DMD: variants seen among roughly 807,000 people sequenced by gnomAD.
DMD encodes the protein mutant dystrophin.
DMD carries 63 observed loss-of-function variants against 330.1 expected under a neutral mutation model. The ratio of observed to expected loss-of-function variants is 0.19; its 90% confidence interval spans 0.16 to 0.24. The LOEUF is 0.24. Among genes scored for constraint, DMD ranks in the 10% least tolerant of loss-of-function variants. The probability of loss-of-function intolerance (pLI) is 1.00; values close to 1 mark genes in which losing one functional copy is unlikely to be tolerated. For synonymous variants in DMD, 1,223 were observed against 959.8 expected, an observed-to-expected ratio of 1.27 and a Z score of -5.07; for missense variants, 3,344 against 2,684.1, an observed-to-expected ratio of 1.25 and a Z score of -5.43.
chrX:32,848,253 C>G (rs746535723), intron 3 of DMD, among the ~76,000 whole-genome samples: 1 of 111,622 alleles, frequency 9.0e-6, no homozygotes, highest in Non-Finnish European at 1.9e-5. Flanking sequence ...CTTCTGTATT[C>G]GGTAACAAAG....
intron 19 of DMD, among the ~76,000 whole-genome samples, chrX:32,500,932 C>A (rs989148717): frequency 8.9e-6 from 1 of 111,839 alleles, no homozygotes; most frequent in Admixed American, 9.5e-5. Flanking sequence ...CTGACATGCA[C>A]AACAAAAACA....
intron 2 of DMD, among the ~76,000 whole-genome samples, chrX:32,851,500 C>G (rs181425159): frequency 1.8e-5 from 2 of 112,191 alleles, no homozygotes; most frequent in African/African-American, 3.2e-5. Context: ...ATACATGGAA[C>G]CTTCCAGCAA....
intron 5 of DMD, among the ~76,000 whole-genome samples, chrX:32,820,262 A>AC (rs770951586): frequency 9.0e-6 from 1 of 110,866 alleles, no homozygotes; most frequent in African/African-American, 3.3e-5. Flanking sequence ...ACACGGTGAA[A>AC]CCCCATCTCT....
chrX:31,889,643 T>A (rs374031545), intron 47 of DMD, among the ~76,000 whole-genome samples: 2,572 of 68,429 alleles, frequency 0.038, 121 homozygotes, highest in African/African-American at 0.16. Flanking sequence ...TCTCTCTCTC[T>A]CTCTCACACA....
chrX:33,103,557 C>G (rs2095259348), intron 1 of DMD, among the ~76,000 whole-genome samples: 1 of 110,651 alleles, frequency 9.0e-6, no homozygotes, highest in Non-Finnish European at 1.9e-5. Flanking sequence ...AACAACCCCT[C>G]TTTGTAATTT....
intron 43 of DMD, 22 bp downstream of exon 43, chrX:32,287,507 G>A: frequency 1.7e-6 from 2 of 1,200,272 alleles, no homozygotes; most frequent in Non-Finnish European, 2.3e-6. Context: ...CAAGTATCAA[G>A]AAAAATATAT....
chrX:31,849,091 T>TA (rs2093475832), intron 48 of DMD, among the ~76,000 whole-genome samples: 1 of 110,485 alleles, frequency 9.1e-6, no homozygotes, highest in Non-Finnish European at 1.9e-5. Flanking sequence ...TTGTACTCAA[T>TA]TTCTTTAAAT....
At chrX:33,088,700 T>A (rs1603261483) in intron 1 of DMD, among the ~76,000 whole-genome samples, 1 of 111,406 alleles carries the variant, frequency 9.0e-6, no homozygotes, top group African/African-American at 3.3e-5. Context: ...AAAGAATAAA[T>A]ATTAATTACC....
intron 54 of DMD, among the ~76,000 whole-genome samples, chrX:31,633,192 T>C (rs934393268): frequency 1.8e-5 from 2 of 112,328 alleles, no homozygotes; most frequent in African/African-American, 3.2e-5. Flanking sequence ...GCATGGAAGA[T>C]AATTTTTAAA....
intron 30 of DMD, among the ~76,000 whole-genome samples, chrX:32,401,152 A>G (rs1464131295): frequency 3.5e-5 from 3 of 86,268 alleles, no homozygotes; most frequent in Non-Finnish European, 6.4e-5. Context: ...GGACACAGGA[A>G]GGGGAACATC....
At chrX:31,856,123 A>C (rs1294467569) in intron 48 of DMD, among the ~76,000 whole-genome samples, 3 of 112,196 alleles carry the variant, frequency 2.7e-5, no homozygotes, top group Non-Finnish European at 5.6e-5. Flanking sequence ...AATCCAACGG[A>C]AAATTGGGGT....
chrX:32,376,872 C>T (rs890676570), intron 34 of DMD, among the ~76,000 whole-genome samples: 3 of 110,842 alleles, frequency 2.7e-5, no homozygotes, highest in Admixed American at 9.6e-5. Context: ...TTCTCAGCTT[C>T]GTAATGTAAG....
At chrX:32,916,043 C>A (rs1038938743) in intron 2 of DMD, among the ~76,000 whole-genome samples, 2 of 111,127 alleles carry the variant, frequency 1.8e-5, no homozygotes, top group African/African-American at 6.5e-5. Context: ...ATAATAAAAT[C>A]ATTTACTTCT....
At chrX:32,205,005 T>TACA (rs2097058779) in intron 44 of DMD, among the ~76,000 whole-genome samples, 10 of 29,225 alleles carry the variant, frequency 3.4e-4, no homozygotes, top group South Asian at 4.3e-3. Context: ...TCTCTCTCTC[T>TACA]CACATACACA....
At chrX:32,677,442 A>C (rs992372603) in intron 9 of DMD, among the ~76,000 whole-genome samples, 2 of 111,563 alleles carry the variant, frequency 1.8e-5, no homozygotes, top group Admixed American at 9.5e-5. Context: ...AAAGAAGTTG[A>C]CCTCTAAACT....
Position 33,039,037 on chromosome X carries a change from T to C in DMD, c.32-18837A>G, listed in dbSNP as rs149135700. Among the ~76,000 whole-genome samples the C allele has an allele frequency of 3.6e-4, 40 of 112,155 alleles. No homozygotes were observed. The East Asian group carries it at 9.6e-3, about 27-fold the overall frequency. On this transcript the variant is annotated intron_variant, in intron 1 of 78. Transcript: ENST00000357033. ...AAATGAAATTTTTTCTTCAATTTTA[T>C]AGTAAATGAAGAAAACATTTCATTT...
In DMD at chrX:31,780,641, T is replaced by C. The variant is rs142468404; in HGVS notation, c.7310-6449A>G. 7.2e-3 allele frequency among the ~76,000 whole-genome samples: 804 copies of C among 112,350 alleles called. 5 individuals carry two copies. The highest frequency in any genetic ancestry group is 0.012 in the Non-Finnish European group (656 of 53,191). Reference sequence around the variant, plus strand: ...ATTCAAGAGAACTTCTGAAGAAAATTTGAAATCATGTCTAGATTCTAAGAA... The same window carrying C: ...ATTCAAGAGAACTTCTGAAGAAAATCTGAAATCATGTCTAGATTCTAAGAA... On this transcript the variant is annotated intron_variant, in intron 50 of 78. Coordinates refer to ENST00000357033, the MANE Select transcript of DMD (RefSeq NM_004006.3).
intron 34 of DMD, among the ~76,000 whole-genome samples, chrX:32,374,683 A>G (rs2097894249): frequency 9.0e-6 from 1 of 111,470 alleles, no homozygotes; most frequent in Admixed American, 9.6e-5. Context: ...CTGTAATAGT[A>G]TTATGCTGTT....
chrX:31,715,129 T>C (rs2084924026), intron 52 of DMD, among the ~76,000 whole-genome samples: 1 of 109,029 alleles, frequency 9.2e-6, no homozygotes, highest in Non-Finnish European at 1.9e-5. Flanking sequence ...GAGTTCTCTG[T>C]ACCCTCTCAA....
Sources: gnomAD v4.1 joint callset for allele counts (sites outside exome capture counted in the v4.1 genomes callset) on GRCh38, gnomAD v4.1.1 for gene constraint, MANE v1.5 for transcripts, NCBI Gene and HGNC (gene_info 2026-07-23, HGNC 2026-07-21) for gene names.